CACNB2: variants seen among roughly 807,000 people sequenced by gnomAD.
The protein encoded by CACNB2 is calcium voltage-gated channel auxiliary subunit beta 2.
Under a neutral mutation model 73.3 loss-of-function variants are expected in CACNB2, and 42 were observed. That is an observed-to-expected ratio of 0.57 (90% CI 0.45 to 0.74). CACNB2 has a LOEUF of 0.74. Among genes scored for constraint, CACNB2 ranks in the 30% least tolerant of loss-of-function variants. The pLI, the probability that CACNB2 is intolerant of heterozygous loss-of-function variation, is 0.00. For synonymous variants in CACNB2, 348 were observed against 310.3 expected (o/e 1.12, Z -1.28); for missense variants, 940 against 853.0 (o/e 1.10, Z -1.27).
At position 18,442,236 on chromosome 10, in the gene CACNB2, G is replaced by A. The variant is rs117724939; in HGVS notation, c.333+40193G>A. Among the ~76,000 whole-genome samples, 3,198 of 151,878 alleles carry A rather than the reference G, an allele frequency of 0.021. 428 individuals carry two copies. The East Asian group carries it at 0.38, about 18-fold the overall frequency. On this transcript the variant is annotated intron_variant, in intron 3 of 13. Coordinates refer to ENST00000324631, the MANE Select transcript of CACNB2 (RefSeq NM_201596.3). ...GCGATCTCTACTCACTGCAACCTCCGCCTCCTGGGTACCAGTGATCCTTGT... is the reference window on the plus strand; with the variant it reads ...GCGATCTCTACTCACTGCAACCTCCACCTCCTGGGTACCAGTGATCCTTGT...
intron 3 of CACNB2, among the ~76,000 whole-genome samples, chr10:18,416,739 A>T (rs549752103): frequency 6.6e-6 from 1 of 152,144 alleles, no homozygotes; most frequent in Non-Finnish European, 1.5e-5. Context: ...GCAAGCAGGA[A>T]CTATAGCGTA....
chr10:18,259,538 C>G (rs1167709910), intron 2 of CACNB2, among the ~76,000 whole-genome samples: 1 of 116,110 alleles, frequency 8.6e-6, no homozygotes, highest in Non-Finnish European at 1.7e-5. Context: ...AACTCCATCT[C>G]TACTGAAAAA....
chr10:18,141,099 C>G, intron 1 of CACNB2: 2 of 1,549,272 alleles, frequency 1.3e-6, no homozygotes, highest in Non-Finnish European at 1.7e-6. Flanking sequence ...GCGGGGGAGA[C>G]CTGCCAGTCC....
chr10:18,369,260 T>G (rs1477280737), intron 2 of CACNB2, among the ~76,000 whole-genome samples: 2 of 152,216 alleles, frequency 1.3e-5, no homozygotes, highest in Admixed American at 1.3e-4. Context: ...TTCATTTCTT[T>G]TAGTTCTGTT....
At chr10:18,220,225 A>G (rs529553152) in intron 2 of CACNB2, among the ~76,000 whole-genome samples, 555 of 53,568 alleles carry the variant, frequency 0.01, 21 homozygotes, top group African/African-American at 0.061. Flanking sequence ...ATATATATAT[A>G]TATATATAGA....
chr10:18,396,408 C>T (rs1312143209), intron 2 of CACNB2, among the ~76,000 whole-genome samples: 2 of 152,192 alleles, frequency 1.3e-5, no homozygotes, highest in Non-Finnish European at 2.9e-5. Flanking sequence ...ATCTCCCTTC[C>T]CCCACAGACA....
chr10:18,391,486 T>G (rs1448966389), intron 2 of CACNB2, among the ~76,000 whole-genome samples: 1 of 152,300 alleles, frequency 6.6e-6, no homozygotes, highest in East Asian at 1.9e-4. Flanking sequence ...TTGTTGAGCA[T>G]GCATTCCATG....
At chr10:18,418,010 G>A (rs1267079618) in intron 3 of CACNB2, among the ~76,000 whole-genome samples, 1 of 152,178 alleles carries the variant, frequency 6.6e-6, no homozygotes, top group Non-Finnish European at 1.5e-5. Context: ...ATGAAGACGA[G>A]TTATAAAGGA....
At chr10:18,268,680 T>C (rs1488333650) in intron 2 of CACNB2, among the ~76,000 whole-genome samples, 3 of 152,212 alleles carry the variant, frequency 2.0e-5, no homozygotes, top group African/African-American at 7.2e-5. Flanking sequence ...TTTACATCAT[T>C]AAGTATGTTG....
intron 2 of CACNB2, among the ~76,000 whole-genome samples, chr10:18,324,619 G>A (rs571769444): frequency 1.4e-4 from 22 of 152,372 alleles, no homozygotes; most frequent in East Asian, 5.8e-4. Context: ...TTGGGAGGCC[G>A]AAGTGGGTGG....
At chr10:18,439,981 A>G (rs1483089119) in intron 3 of CACNB2, among the ~76,000 whole-genome samples, 1 of 152,216 alleles carries the variant, frequency 6.6e-6, no homozygotes, top group East Asian at 1.9e-4. Flanking sequence ...TTCTGCTGCT[A>G]TAATATTTTC....
At chr10:18,188,234 G>C (rs900343373) in intron 2 of CACNB2, among the ~76,000 whole-genome samples, 3 of 150,970 alleles carry the variant, frequency 2.0e-5, no homozygotes, top group Non-Finnish European at 4.4e-5. Context: ...TTGCCTGCCT[G>C]CCTGCCTGCC....
intron 3 of CACNB2, among the ~76,000 whole-genome samples, chr10:18,425,962 A>C (rs1269609431): frequency 1.3e-5 from 2 of 152,158 alleles, no homozygotes; most frequent in South Asian, 4.1e-4. Context: ...CTGAGCTGCT[A>C]TTCATGTTTC....
At chr10:18,200,024 G>A (rs908543985) in intron 2 of CACNB2, among the ~76,000 whole-genome samples, 1 of 148,988 alleles carries the variant, frequency 6.7e-6, no homozygotes, top group Non-Finnish European at 1.5e-5. Context: ...AAAGAATCAA[G>A]TAAGATAATA....
intron 2 of CACNB2, among the ~76,000 whole-genome samples, chr10:18,199,981 G>GTGTGTGTGTC (rs2034806315): frequency 2.8e-5 from 4 of 142,728 alleles, no homozygotes; most frequent in Admixed American, 6.8e-5. Context: ...GTGTGTGTGT[G>GTGTGTGTGTC]TGTCTGTATT....
chr10:18,428,829 T>A (rs947243871), intron 3 of CACNB2, among the ~76,000 whole-genome samples: 2 of 152,246 alleles, frequency 1.3e-5, no homozygotes, highest in African/African-American at 2.4e-5. Flanking sequence ...ATTCTTAAAA[T>A]CTAAAGTTAA....
At chr10:18,190,616 A>G (rs2034353535) in intron 2 of CACNB2, among the ~76,000 whole-genome samples, 1 of 152,048 alleles carries the variant, frequency 6.6e-6, no homozygotes, top group African/African-American at 2.4e-5. Context: ...CCAATCCACA[A>G]CCTCCCAGAT....
chr10:18,513,345 G>T, intron 6 of CACNB2: 1 of 163,582 alleles, frequency 6.1e-6, no homozygotes, highest in Non-Finnish European at 1.3e-5. Flanking sequence ...TGCTTCAAAT[G>T]TAGAAAGACC....
At position 18,299,183 on chromosome 10, in the gene CACNB2, G is replaced by C. The variant is rs188314069; in HGVS notation, c.214-102741G>C. Reference sequence around the variant, plus strand: ...CTTTTGCAAGAATTCATTAAAACTAGGAGCACCAGAAGTCGCATATAATGC... The same window carrying C: ...CTTTTGCAAGAATTCATTAAAACTACGAGCACCAGAAGTCGCATATAATGC... On this transcript the variant is annotated intron_variant, in intron 2 of 13. Transcript: ENST00000324631. Among the ~76,000 whole-genome samples the C allele has an allele frequency of 1.3e-3, 197 of 151,994 alleles. 1 individual carries two copies. Among genetic ancestry groups the C allele is most frequent in the African/African-American group, 4.6e-3 (190 of 41,470 alleles).
Sources: gnomAD v4.1 joint callset for allele counts (sites outside exome capture counted in the v4.1 genomes callset) on GRCh38, gnomAD v4.1.1 for gene constraint, MANE v1.5 for transcripts, NCBI Gene and HGNC (gene_info 2026-07-23, HGNC 2026-07-21) for gene names.